Variants in COL14A1 observed in about 807,000 individuals in gnomAD.
The protein encoded by COL14A1 is collagen alpha-1(XIV) chain.
In COL14A1, 136 loss-of-function variants were observed where a neutral mutation model predicts 230.3. The observed-to-expected ratio is 0.59, with a 90% CI of 0.51 to 0.68. The LOEUF is 0.68. Among genes scored for constraint, COL14A1 ranks in the 30% least tolerant of loss-of-function variants. COL14A1 has a pLI of 0.00. For synonymous variants in COL14A1, 792 were observed against 784.1 expected (o/e 1.01, Z -0.17); for missense variants, 1,976 against 2,215.8 (o/e 0.89, Z 2.17).
chr8:120,266,727 A>C lies in COL14A1; in HGVS notation c.3017-100A>C, dbSNP rs574045939. On this transcript the variant is annotated intron_variant, in intron 24 of 47. Coordinates refer to ENST00000297848, the MANE Select transcript of COL14A1 (RefSeq NM_021110.4). ...TAAATTCTCAGAGAAGACAGTTGTC[A>C]AAATCATTGACTACCCTGAATATTT... is the stretch of plus-strand genomic sequence containing the variant. The C allele has an allele frequency of 3.8e-4, 372 of 984,826 alleles. 1 individual carries two copies. In the African/African-American group the frequency reaches 5.7e-3, roughly 15 times the overall value. The allele number at this position is 984,826 out of a possible 1,614,324, so 61.0% of individuals were successfully genotyped here. A position where few individuals can be genotyped will look rare whatever the true frequency, so the allele number is the denominator to read the frequency against.
At chr8:120,303,481 A>T (rs1166971445) in intron 36 of COL14A1, among the ~76,000 whole-genome samples, 1 of 152,172 alleles carries the variant, frequency 6.6e-6, no homozygotes, top group Non-Finnish European at 1.5e-5. Flanking sequence ...CCTTCTTTGC[A>T]TCTATTGAGA....
chr8:120,159,549 A>G (rs981624373), intron 3 of COL14A1, among the ~76,000 whole-genome samples: 1 of 152,172 alleles, frequency 6.6e-6, no homozygotes, highest in African/African-American at 2.4e-5. Flanking sequence ...CAAAAGATAC[A>G]GTGAAGGAGA....
At chr8:120,255,472 A>G in intron 23 of COL14A1, 116 bp downstream of exon 23, 1 of 805,288 alleles carries the variant, frequency 1.2e-6, no homozygotes, top group Non-Finnish European at 2.1e-6. Flanking sequence ...TCAAGGAAGC[A>G]ATTTGTATTG....
intron 5 of COL14A1, among the ~76,000 whole-genome samples, chr8:120,195,996 T>C (rs1345512966): frequency 1.3e-5 from 2 of 152,220 alleles, no homozygotes; most frequent in Non-Finnish European, 2.9e-5. Flanking sequence ...TCCATTGTTG[T>C]AGAGACTTAA....
chr8:120,358,801 G>T (rs1396987533), intron 45 of COL14A1, among the ~76,000 whole-genome samples: 1 of 152,140 alleles, frequency 6.6e-6, no homozygotes, highest in Non-Finnish European at 1.5e-5. Context: ...TGTATTAGCT[G>T]TGATAAAACA....
chr8:120,297,044 A>G (rs1820549575), intron 34 of COL14A1, among the ~76,000 whole-genome samples: 1 of 152,074 alleles, frequency 6.6e-6, no homozygotes, highest in Admixed American at 6.6e-5. Context: ...ATGAAGTGAT[A>G]ATTAATTCAA....
At chr8:120,205,604 T>A (rs1474908132) in intron 9 of COL14A1, among the ~76,000 whole-genome samples, 1 of 152,284 alleles carries the variant, frequency 6.6e-6, no homozygotes, top group East Asian at 1.9e-4. Context: ...AATGGTTCTT[T>A]CTGGCTACAT....
intron 45 of COL14A1, among the ~76,000 whole-genome samples, chr8:120,365,674 G>A (rs1823385168): frequency 6.6e-6 from 1 of 152,194 alleles, no homozygotes; most frequent in Non-Finnish European, 1.5e-5. Flanking sequence ...AGATGAGATG[G>A]TATTTTTACT....
At chr8:120,205,771 G>T (rs1435490868) in intron 9 of COL14A1, among the ~76,000 whole-genome samples, 1 of 152,130 alleles carries the variant, frequency 6.6e-6, no homozygotes. Context: ...TGTGGTTGAT[G>T]ATACAGCATG....
intron 1 of COL14A1, among the ~76,000 whole-genome samples, chr8:120,136,046 G>T (rs564882851): frequency 7.7e-4 from 117 of 152,164 alleles, no homozygotes; most frequent in African/African-American, 2.6e-3. Context: ...CCTGTTGATT[G>T]TGAATAGAGT....
intron 14 of COL14A1, among the ~76,000 whole-genome samples, chr8:120,218,571 A>G (rs762493380): frequency 5.9e-5 from 9 of 152,110 alleles, no homozygotes; most frequent in Non-Finnish European, 1.2e-4. Context: ...AGGCCTCCCA[A>G]AGTGCTGGGA....
rs1250171636 is a variant in COL14A1 at position 120,243,997 on chromosome 8, C to T, written c.2468C>T (p.Pro823Leu). ...GGCGAAGGCGTCAGCGTCTCCGCTC[C>T]TGGAAAAACCTGTAAGTGAAGCTTT... The part of the protein sequence containing the change: ...TDGEGVSVSA[P>L]GKTLPSSGPQ... The change falls in exon 20 of 48, where the codon CCT (proline) becomes CTT (leucine). Residue 823 changes from proline to leucine, a missense_variant. Pro to Leu is a moderately conservative substitution (Grantham distance 98). Around this residue, in one of 3 missense-constraint regions of COL14A1, gnomAD observed 1,791 missense variants for 2,019.5 expected, o/e 0.89. Transcript: ENST00000297848. The T allele has an allele frequency of 1.9e-6, 3 of 1,610,974 alleles. No individual in the cohort carries two copies. The highest frequency in any genetic ancestry group is 2.5e-6 in the Non-Finnish European group (3 of 1,178,818).
At position 120,248,927 on chromosome 8, in the gene COL14A1, T is replaced by TC. The variant is rs1455959775; in HGVS notation, c.2602+1192_2602+1193insC. Among the ~76,000 whole-genome samples, 4 of 119,382 alleles carry TC rather than the reference T, an allele frequency of 3.4e-5. 1 individual carries two copies. The highest frequency in any genetic ancestry group is 1.5e-4 in the African/African-American group (4 of 25,956). The allele number at this position is 119,382 out of a possible 152,430, so 78.3% of individuals were successfully genotyped here. On this transcript the variant is annotated intron_variant, in intron 21 of 47. Coordinates refer to ENST00000297848, the MANE Select transcript of COL14A1 (RefSeq NM_021110.4). ...TTAGTTTCAATCTTTCTTTTTTTTTTTTTTTTTTTTTTTTTTGAGACGGAG... is the reference window on the plus strand; with the variant it reads ...TTAGTTTCAATCTTTCTTTTTTTTTTCTTTTTTTTTTTTTTTTGAGACGGAG...
intron 46 of COL14A1, among the ~76,000 whole-genome samples, chr8:120,368,832 A>C (rs1351153151): frequency 6.6e-6 from 1 of 152,188 alleles, no homozygotes; most frequent in Non-Finnish European, 1.5e-5. Flanking sequence ...GTACTGAATT[A>C]CATGGCTATT....
intron 4 of COL14A1, among the ~76,000 whole-genome samples, chr8:120,162,910 T>A (rs1431170216): frequency 2.6e-5 from 4 of 152,308 alleles, no homozygotes; most frequent in Non-Finnish European, 5.9e-5. Flanking sequence ...TGTAATTGCT[T>A]ATTTACTTCT....
chr8:120,246,021 A>G (rs1818751192), intron 20 of COL14A1, among the ~76,000 whole-genome samples: 1 of 152,206 alleles, frequency 6.6e-6, no homozygotes, highest in South Asian at 2.1e-4. Flanking sequence ...ATCTTTATCC[A>G]TCATAATTAC....
At chr8:120,223,813 T>C (rs973462072) in intron 14 of COL14A1, among the ~76,000 whole-genome samples, 1 of 152,098 alleles carries the variant, frequency 6.6e-6, no homozygotes, top group African/African-American at 2.4e-5. Context: ...TCACCACAGT[T>C]GGGGCACCTC....
At chr8:120,300,216 A>G (rs1255134455) in intron 35 of COL14A1, among the ~76,000 whole-genome samples, 4 of 152,204 alleles carry the variant, frequency 2.6e-5, no homozygotes, top group Non-Finnish European at 5.9e-5. Context: ...TTTCAACCAC[A>G]GAATGTGAGC....
At chr8:120,345,617 C>T in intron 45 of COL14A1, 54 bp downstream of exon 45, 1 of 1,401,038 alleles carries the variant, frequency 7.1e-7, no homozygotes, top group Non-Finnish European at 9.4e-7. Context: ...TGCAGGGAAG[C>T]AGAACATTAT....
Sources: allele counts gnomAD v4.1 joint callset (sites outside exome capture counted in the v4.1 genomes callset), GRCh38; gene constraint gnomAD v4.1.1; regional missense constraint gnomAD v4.1.1; transcripts MANE v1.5; gene names NCBI Gene and HGNC (gene_info 2026-07-23, HGNC 2026-07-21).